CDKL3: variants seen among roughly 807,000 people sequenced by gnomAD.
CDKL3 encodes cyclin dependent kinase like 3.
CDKL3 carries 65 observed loss-of-function variants against 69.3 expected under a neutral mutation model. The observed-to-expected ratio is 0.94, with a 90% confidence interval of 0.77 to 1.15. The LOEUF is 1.15. Among genes scored for constraint, CDKL3 ranks in the 50% most tolerant of loss-of-function variants. The probability of loss-of-function intolerance (pLI) is 0.00; values close to 1 mark genes in which losing one functional copy is unlikely to be tolerated. For synonymous variants in CDKL3, 202 were observed against 221.6 expected, an observed-to-expected ratio of 0.91 and a Z score of 0.79; for missense variants, 652 against 689.2, an observed-to-expected ratio of 0.95 and a Z score of 0.61.
intron 12 of CDKL3, among the ~76,000 whole-genome samples, chr5:134,301,186 A>C (rs113285188): frequency 0.015 from 2,255 of 152,054 alleles, 43 homozygotes; most frequent in African/African-American, 0.049. Context: ...TTAGTAGAGA[A>C]GGGGTTTCAC....
At chr5:134,332,177 T>C (rs1186515673) in intron 4 of CDKL3, among the ~76,000 whole-genome samples, 1 of 152,240 alleles carries the variant, frequency 6.6e-6, no homozygotes, top group Non-Finnish European at 1.5e-5. Context: ...AAGTTCTTTG[T>C]AGATTCTGGA....
At chr5:134,348,626 T>A (rs185078452) in intron 4 of CDKL3, among the ~76,000 whole-genome samples, 1 of 152,020 alleles carries the variant, frequency 6.6e-6, no homozygotes, top group Admixed American at 6.6e-5. Context: ...AAATATTAAC[T>A]GACACAAAAT....
Position 134,360,007 on chromosome 5 carries a change from G to T in CDKL3, c.250C>A (p.His84Asn). 1 of 1,560,754 alleles carries T rather than the reference G, an allele frequency of 6.4e-7. No homozygotes were observed. Among genetic ancestry groups the T allele is most frequent in the Non-Finnish European group, 8.7e-7 (1 of 1,150,080 alleles). The change falls in exon 3 of 13, where the codon CAC (histidine) becomes AAC (asparagine). Residue 84 changes from histidine to asparagine, a missense_variant. By Grantham distance (68) the His-to-Asn change is moderately conservative (BLOSUM62 1). Transcript: ENST00000265334. ...TGTTGTAACTCATCTAATACTGTGT[G>T]GTCAATAAATTCAAATACCAAATGA... is the stretch of plus-strand genomic sequence containing the variant. ...KIHLVFEFID[H>N]TVLDELQHYC...
At chr5:134,284,076 G>A (rs1764744046), downstream of CDKL3, among the ~76,000 whole-genome samples, 1 of 152,190 alleles carries the variant, frequency 6.6e-6, no homozygotes, top group African/African-American at 2.4e-5. Context: ...GCAGGGTACA[G>A]CCTCCCTCCT....
chr5:134,367,272 G>A (rs560093050), upstream of CDKL3: 15 of 985,112 alleles, frequency 1.5e-5, no homozygotes, highest in African/African-American at 1.7e-5. Flanking sequence ...GTGGAAGAGT[G>A]CTGTGCTTGG....
upstream of CDKL3, chr5:134,371,455 C>G (rs966205807): frequency 9.3e-7 from 1 of 1,073,182 alleles, no homozygotes; most frequent in Non-Finnish European, 1.3e-6. Flanking sequence ...GACGTCATTG[C>G]AGGGTTGTTT....
chr5:134,367,188 C>G, upstream of CDKL3: 1 of 985,572 alleles, frequency 1.0e-6, no homozygotes, highest in South Asian at 4.7e-5. Flanking sequence ...GTGCGCAAGA[C>G]CGGAACATGG....
At position 134,350,301 on chromosome 5, in the gene CDKL3, T is replaced by C; in HGVS notation, c.487A>G (p.Thr163Ala). The change falls in exon 4 of 13, where the codon ACA (threonine) becomes GCA (alanine). Residue 163 changes from threonine to alanine, a missense_variant. Coordinates refer to ENST00000265334, the MANE Select transcript of CDKL3 (RefSeq NM_001113575.2). ...AATTCGGGAGCTCTATACCAGCGTG[T>C]GGCCACATAGTCCGTATAAATGTCC... is the stretch of plus-strand genomic sequence containing the variant. The part of the protein sequence containing the change: ...PGDIYTDYVA[T>A]RWYRAPELVL... 1 of 1,593,648 alleles carries C rather than the reference T, an allele frequency of 6.3e-7. No homozygotes were observed. The highest frequency in any genetic ancestry group is 1.1e-5 in the South Asian group (1 of 87,500).
Position 134,322,728 on chromosome 5 carries a change from T to A in CDKL3, c.540-825A>T, listed in dbSNP as rs146388928. On this transcript the variant is annotated intron_variant, in intron 4 of 12. Coordinates refer to ENST00000265334, the MANE Select transcript of CDKL3 (RefSeq NM_001113575.2). ...TGGACACTGTGGCTCATGCCTGTAA[T>A]CCCAGCACTTTGGGAGGCCAAGGCA... Among the ~76,000 whole-genome samples the A allele has an allele frequency of 8.9e-4, 135 of 152,314 alleles. 4 individuals carry two copies. The East Asian group carries it at 0.021, about 24-fold the overall frequency.
intron 3 of CDKL3, among the ~76,000 whole-genome samples, chr5:134,357,972 G>A (rs1190403530): frequency 6.6e-6 from 1 of 152,196 alleles, no homozygotes; most frequent in Non-Finnish European, 1.5e-5. Context: ...CTAGCAACTT[G>A]GGAGGCTGAG....
intron 4 of CDKL3, among the ~76,000 whole-genome samples, chr5:134,335,089 A>G (rs180973781): frequency 1.8e-3 from 266 of 144,608 alleles, no homozygotes; most frequent in African/African-American, 6.4e-3. Context: ...GTCTCTTTTC[A>G]TCTTTGTTAG....
At chr5:134,350,148 A>C in intron 4 of CDKL3, 101 bp downstream of exon 4, 1 of 870,914 alleles carries the variant, frequency 1.1e-6, no homozygotes, top group Non-Finnish European at 1.7e-6. Context: ...AGATTGCACC[A>C]CTGCATTCCA....
chr5:134,360,148 C>T, intron 2 of CDKL3, 57 bp from the exon 3 acceptor site: 3 of 1,131,578 alleles, frequency 2.7e-6, no homozygotes, highest in Non-Finnish European at 3.7e-6. Context: ...ACAATTTGTA[C>T]ATATAACGTG....
chr5:134,321,005 C>CTTTTTTT (rs1047803739), intron 5 of CDKL3, among the ~76,000 whole-genome samples: 2 of 123,578 alleles, frequency 1.6e-5, no homozygotes, highest in African/African-American at 3.4e-5. Context: ...CAAACATATT[C>CTTTTTTT]TTTTTTTTTT....
At chr5:134,313,934 T>C (rs958926416) in intron 6 of CDKL3, among the ~76,000 whole-genome samples, 33 of 151,874 alleles carry the variant, frequency 2.2e-4, no homozygotes, top group African/African-American at 8.0e-4. Flanking sequence ...GGTTGGGAGT[T>C]AGAGACCAGC....
intron 2 of CDKL3, among the ~76,000 whole-genome samples, chr5:134,364,481 T>C (rs1756883403): frequency 6.6e-6 from 1 of 152,104 alleles, no homozygotes; most frequent in African/African-American, 2.4e-5. Flanking sequence ...TTTGACTCCT[T>C]CTATAGTCTT....
chr5:134,367,192 A>T, upstream of CDKL3: 1 of 985,646 alleles, frequency 1.0e-6, no homozygotes, highest in Middle Eastern at 5.2e-4. Flanking sequence ...GCAAGACCGG[A>T]ACATGGGCAG....
intron 2 of CDKL3, among the ~76,000 whole-genome samples, chr5:134,363,214 T>C (rs1006844659): frequency 1.3e-5 from 2 of 152,208 alleles, no homozygotes; most frequent in African/African-American, 4.8e-5. Context: ...TTTTAGGTCA[T>C]CAGGACATGA....
chr5:134,353,756 C>T (rs901052850), intron 3 of CDKL3, among the ~76,000 whole-genome samples: 2 of 152,086 alleles, frequency 1.3e-5, no homozygotes, highest in African/African-American at 4.8e-5. Context: ...GATGGGGTTT[C>T]ACCATGTTGG....
Sources: allele counts gnomAD v4.1 joint callset (sites outside exome capture counted in the v4.1 genomes callset), GRCh38; gene constraint gnomAD v4.1.1; transcripts MANE v1.5; gene names NCBI Gene and HGNC (gene_info 2026-07-23, HGNC 2026-07-21).